Variants in MAML2 observed in about 807,000 individuals in gnomAD.
MAML2 encodes mastermind-like protein 2.
Under a neutral mutation model 96.1 loss-of-function variants are expected in MAML2, and 22 were observed. The ratio of observed to expected loss-of-function variants is 0.23; its 90% CI spans 0.16 to 0.33. The LOEUF (loss-of-function observed/expected upper bound fraction) is 0.33. Ranked by LOEUF, MAML2 falls within the 10% of genes least tolerant of loss-of-function variation. The probability of loss-of-function intolerance (pLI) is 1.00; values close to 1 mark genes in which losing one functional copy is unlikely to be tolerated. For missense variants in MAML2, 1,367 were observed against 1,392.4 expected (o/e 0.98, Z 0.29); for synonymous variants, 561 against 521.3 (o/e 1.08, Z -1.04).
At chr11:96,295,111 C>CTGATGG (rs1863273161) in intron 1 of MAML2, among the ~76,000 whole-genome samples, 1 of 152,150 alleles carries the variant, frequency 6.6e-6, no homozygotes, top group Non-Finnish European at 1.5e-5. Context: ...AACATCAACA[C>CTGATGG]TGAGGTAACA....
intron 1 of MAML2, among the ~76,000 whole-genome samples, chr11:96,318,311 C>G (rs921653296): frequency 2.6e-5 from 4 of 152,276 alleles, no homozygotes; most frequent in African/African-American, 9.6e-5. Flanking sequence ...CAAGGTAACA[C>G]AGGAAGAAGT....
intron 1 of MAML2, among the ~76,000 whole-genome samples, chr11:96,124,782 A>G (rs961297403): frequency 6.6e-6 from 1 of 152,236 alleles, no homozygotes; most frequent in Non-Finnish European, 1.5e-5. Flanking sequence ...AAGAAGGACC[A>G]CCGATCAGGA....
intron 1 of MAML2, among the ~76,000 whole-genome samples, chr11:96,173,899 G>T (rs767492052): frequency 2.0e-5 from 3 of 152,188 alleles, no homozygotes; most frequent in African/African-American, 4.8e-5. Context: ...TTTTTCAGAA[G>T]TATGGCCATT....
chr11:96,108,359 C>T (rs577331066), intron 1 of MAML2, among the ~76,000 whole-genome samples: 14 of 152,270 alleles, frequency 9.2e-5, no homozygotes, highest in African/African-American at 2.2e-4. Flanking sequence ...ATGTAGTCTT[C>T]GGGGTCTCCC....
chr11:96,323,627 G>C (rs1303782203), intron 1 of MAML2, among the ~76,000 whole-genome samples: 2 of 152,206 alleles, frequency 1.3e-5, no homozygotes, highest in Non-Finnish European at 2.9e-5. Context: ...CCCACTCACA[G>C]TATAATCTGG....
chr11:96,070,119 G>A (rs1222351734), intron 2 of MAML2, among the ~76,000 whole-genome samples: 7 of 151,638 alleles, frequency 4.6e-5, no homozygotes, highest in South Asian at 2.1e-4. Context: ...GTGAAACCCC[G>A]TCTCTACTAA....
intron 2 of MAML2, among the ~76,000 whole-genome samples, chr11:96,055,689 G>T (rs530160280): frequency 6.6e-5 from 10 of 152,270 alleles, no homozygotes; most frequent in African/African-American, 2.4e-4. Context: ...GAGAGGGAGA[G>T]ACAGAGACAA....
At chr11:96,144,282 G>C (rs980931431) in intron 1 of MAML2, among the ~76,000 whole-genome samples, 24 of 152,310 alleles carry the variant, frequency 1.6e-4, no homozygotes, top group African/African-American at 5.5e-4. Flanking sequence ...CGTACATCTA[G>C]AGAAGAATTT....
At chr11:96,232,870 C>A (rs887749923) in intron 1 of MAML2, among the ~76,000 whole-genome samples, 1 of 152,314 alleles carries the variant, frequency 6.6e-6, no homozygotes, top group African/African-American at 2.4e-5. Flanking sequence ...ATTGGGCCAA[C>A]ATACTCTCTT....
chr11:96,061,058 C>T (rs2135778612), intron 2 of MAML2, among the ~76,000 whole-genome samples: 1 of 152,136 alleles, frequency 6.6e-6, no homozygotes, highest in East Asian at 1.9e-4. Context: ...CAGACACATA[C>T]ATGAAAGAAA....
intron 2 of MAML2, among the ~76,000 whole-genome samples, chr11:95,995,930 A>G (rs780338503): frequency 2.6e-5 from 4 of 152,204 alleles, no homozygotes; most frequent in Admixed American, 6.5e-5. Flanking sequence ...AACAAAAAGC[A>G]ATGCATAATC....
intron 1 of MAML2, among the ~76,000 whole-genome samples, chr11:96,186,015 G>A (rs1013727321): frequency 1.3e-5 from 2 of 152,100 alleles, no homozygotes; most frequent in South Asian, 2.1e-4. Context: ...GCATTTTAAC[G>A]AGACCTAGGA....
chr11:96,276,848 C>T (rs1400019114), intron 1 of MAML2, among the ~76,000 whole-genome samples: 2 of 144,090 alleles, frequency 1.4e-5, no homozygotes, highest in Non-Finnish European at 3.0e-5. Context: ...GCTTTTAATC[C>T]TTGCTCTGTG....
intron 2 of MAML2, among the ~76,000 whole-genome samples, chr11:95,995,498 G>A (rs1277427614): frequency 1.3e-5 from 2 of 152,108 alleles, no homozygotes; most frequent in African/African-American, 4.8e-5. Context: ...CAACATAAAG[G>A]TAATACATTA....
chr11:96,137,818 T>C (rs1206714117), intron 1 of MAML2, among the ~76,000 whole-genome samples: 2 of 152,240 alleles, frequency 1.3e-5, no homozygotes, highest in African/African-American at 2.4e-5. Context: ...ATTAAATATA[T>C]TGATCTTTAA....
chr11:96,138,474 C>T (rs1038709349), intron 1 of MAML2, among the ~76,000 whole-genome samples: 7 of 152,136 alleles, frequency 4.6e-5, no homozygotes, highest in Non-Finnish European at 8.8e-5. Context: ...CACAAGGGTG[C>T]TCAGGAAATT....
intron 2 of MAML2, among the ~76,000 whole-genome samples, chr11:96,030,473 A>C (rs992491166): frequency 1.3e-5 from 2 of 152,230 alleles, no homozygotes; most frequent in Non-Finnish European, 2.9e-5. Flanking sequence ...TATAAGAATA[A>C]TAACATTACA....
In MAML2 at chr11:96,189,068, TG is replaced by T. The variant is rs374221295; in HGVS notation, c.514-95552del. ...TCTAGCTCAATGCTAGAAACTGTTT[TG>T]TTTTTTTTTTTCTATATCTGGTTCC... On this transcript the variant is annotated intron_variant, in intron 1 of 4. Transcript: ENST00000524717. Among the ~76,000 whole-genome samples the T allele has an allele frequency of 7.6e-3, 765 of 101,026 alleles. 13 individuals carry two copies. Among genetic ancestry groups the T allele is most frequent in the Middle Eastern group, 0.017 (3 of 172 alleles). The allele number at this position is 101,026 out of a possible 152,430, so 66.3% of individuals were successfully genotyped here. A position where few individuals can be genotyped will look rare whatever the true frequency, so the allele number is the denominator to read the frequency against.
At chr11:96,187,169 C>A (rs1861588066) in intron 1 of MAML2, among the ~76,000 whole-genome samples, 1 of 152,182 alleles carries the variant, frequency 6.6e-6, no homozygotes, top group South Asian at 2.1e-4. Context: ...CATTTGGATA[C>A]TTTCTCCCCA....
Sources: gnomAD v4.1 joint callset for allele counts (sites outside exome capture counted in the v4.1 genomes callset) on GRCh38, gnomAD v4.1.1 for gene constraint, MANE v1.5 for transcripts, NCBI Gene and HGNC (gene_info 2026-07-23, HGNC 2026-07-21) for gene names.